The following LPIN2 variants were observed in gnomAD, a reference collection of about 807,000 sequenced individuals.
LPIN2 encodes phosphatidate phosphatase LPIN2.
LPIN2 carries 55 observed loss-of-function variants against 111.4 expected under a neutral mutation model. The ratio of observed to expected loss-of-function variants is 0.49; its 90% confidence interval spans 0.40 to 0.62. The LOEUF (loss-of-function observed/expected upper bound fraction) is 0.62, where lower values mean the gene tolerates loss of function less well. Among genes scored for constraint, LPIN2 ranks in the 20% least tolerant of loss-of-function variants. The pLI is 0.00. For synonymous variants in LPIN2, 425 were observed against 414.0 expected (o/e 1.03, Z -0.32); for missense variants, 992 against 1,112.1 (o/e 0.89, Z 1.54).
intron 4 of LPIN2, among the ~76,000 whole-genome samples, chr18:2,941,395 G>A (rs1030128218): frequency 2.0e-5 from 3 of 152,196 alleles, no homozygotes; most frequent in Non-Finnish European, 4.4e-5. Context: ...AGGACCTTGG[G>A]TAGGGGGTTA....
intron 1 of LPIN2, among the ~76,000 whole-genome samples, chr18:2,971,001 A>C (rs574607668): frequency 6.6e-6 from 1 of 152,274 alleles, no homozygotes; most frequent in South Asian, 2.1e-4. Flanking sequence ...CCAGTATAGC[A>C]ATGCACCCTC....
At position 2,921,560 on chromosome 18, in the gene LPIN2, G is replaced by C; in HGVS notation, c.2415C>G (p.Phe805Leu). 6.2e-7 allele frequency: 1 copy of C among 1,613,904 alleles called. No homozygotes were observed. The highest frequency in any genetic ancestry group is 2.2e-5 in the East Asian group (1 of 44,878). ...KNLFAPSKQP[F>L]YAAFGNRPND... ...TTGGACGGTTTCCAAAGGCAGCATA[G>C]AAGGGCTGCTTAGACGGGGCAAACA... Residue 805 changes from phenylalanine (F) to leucine (L), a missense_variant, in exon 18 of 20, where the codon TTC becomes TTG. Physicochemically the swap from Phe to Leu is conservative, Grantham distance 22. Coordinates refer to ENST00000677752, the MANE Select transcript of LPIN2 (RefSeq NM_001375808.2).
At chr18:2,979,610 G>T (rs1428756906) in intron 1 of LPIN2, among the ~76,000 whole-genome samples, 2 of 152,196 alleles carry the variant, frequency 1.3e-5, no homozygotes, top group South Asian at 4.1e-4. Context: ...CTGTGTGCAT[G>T]TATGTTTTAA....
chr18:2,978,058 G>A (rs1332001306), intron 1 of LPIN2, among the ~76,000 whole-genome samples: 1 of 152,080 alleles, frequency 6.6e-6, no homozygotes, highest in East Asian at 1.9e-4. Context: ...GGGAGTGGTG[G>A]CACCTGTAGT....
At chr18:2,974,773 G>A (rs1193064737) in intron 1 of LPIN2, among the ~76,000 whole-genome samples, 1 of 152,188 alleles carries the variant, frequency 6.6e-6, no homozygotes, top group East Asian at 1.9e-4. Context: ...AGAAGAATTA[G>A]TTGAGCCCAG....
chr18:2,921,511 C>A (rs80130655), intron 18 of LPIN2, 22 bp downstream of exon 18: 21 of 1,563,592 alleles, frequency 1.3e-5, no homozygotes, highest in Non-Finnish European at 1.9e-5. Flanking sequence ...ACATCAGAAC[C>A]CAGAGCCCAG....
intron 1 of LPIN2, among the ~76,000 whole-genome samples, chr18:2,969,853 C>T (rs546385744): frequency 3.9e-5 from 6 of 152,262 alleles, no homozygotes; most frequent in African/African-American, 1.4e-4. Flanking sequence ...TCCTCTTAAG[C>T]CTGATTAAGT....
intron 18 of LPIN2, 49 bp from the exon 19 acceptor site, chr18:2,920,930 A>G: frequency 7.9e-7 from 1 of 1,260,606 alleles, no homozygotes; most frequent in Non-Finnish European, 1.2e-6. Flanking sequence ...AGAATTCAGG[A>G]GATACTTCTC....
At chr18:2,984,492 G>A (rs1276089270) in intron 1 of LPIN2, among the ~76,000 whole-genome samples, 1 of 152,130 alleles carries the variant, frequency 6.6e-6, no homozygotes, top group African/African-American at 2.4e-5. Flanking sequence ...ATATTGGGGT[G>A]CTGCCGGTGG....
rs144349369 is a variant in LPIN2 at position 2,964,733 on chromosome 18, C to T, written c.-9-3884G>A. On this transcript the variant is annotated intron_variant, in intron 1 of 19. Coordinates refer to ENST00000677752, the MANE Select transcript of LPIN2 (RefSeq NM_001375808.2). ...CTATGCTGCATTTCAGTTTTGGGAT[C>T]GTTACAGTTGACAGAGACTCACTAC... Among the ~76,000 whole-genome samples, 1,006 of 152,306 alleles carry T rather than the reference C, an allele frequency of 6.6e-3. 15 individuals are homozygous for T. The highest frequency in any genetic ancestry group is 0.023 in the African/African-American group (937 of 41,570).
At chr18:3,004,387 CCT>C (rs1365322179) in intron 1 of LPIN2, among the ~76,000 whole-genome samples, 1 of 152,138 alleles carries the variant, frequency 6.6e-6, no homozygotes, top group Non-Finnish European at 1.5e-5. Flanking sequence ...CTGTGAAATT[CCT>C]CTCTTTGTAC....
intron 1 of LPIN2, among the ~76,000 whole-genome samples, chr18:2,982,245 T>G (rs1352613170): frequency 6.6e-6 from 1 of 152,182 alleles, no homozygotes; most frequent in Admixed American, 6.5e-5. Context: ...AAAATATTAG[T>G]TTACCATTCC....
intron 9 of LPIN2, 43 bp downstream of exon 9, chr18:2,931,213 A>G: frequency 6.3e-7 from 1 of 1,598,298 alleles, no homozygotes. Context: ...TGATGACCAG[A>G]TTGCTCTCTG....
intron 1 of LPIN2, among the ~76,000 whole-genome samples, chr18:2,970,933 T>C (rs1390854193): frequency 2.0e-5 from 3 of 152,150 alleles, no homozygotes; most frequent in Non-Finnish European, 4.4e-5. Flanking sequence ...TCACTTTCTA[T>C]AAACAGATGA....
intron 19 of LPIN2, 124 bp downstream of exon 19, chr18:2,920,654 G>T (rs980232247): frequency 4.9e-6 from 4 of 811,908 alleles, no homozygotes; most frequent in African/African-American, 1.7e-5. Context: ...CCACAGAGGA[G>T]ATGTAGCTGA....
chr18:2,971,948 G>A (rs570297233), intron 1 of LPIN2, among the ~76,000 whole-genome samples: 7 of 152,174 alleles, frequency 4.6e-5, no homozygotes, highest in African/African-American at 1.7e-4. Flanking sequence ...TCAGGAGGCC[G>A]AGACACGAGA....
At chr18:2,971,462 T>C (rs1454921460) in intron 1 of LPIN2, among the ~76,000 whole-genome samples, 2 of 152,096 alleles carry the variant, frequency 1.3e-5, no homozygotes, top group Non-Finnish European at 2.9e-5. Flanking sequence ...CCACGCGGCA[T>C]GAACATTTAG....
intron 1 of LPIN2, among the ~76,000 whole-genome samples, chr18:3,000,929 A>AG (rs1427453301): frequency 2.1e-5 from 3 of 140,226 alleles, no homozygotes; most frequent in Non-Finnish European, 3.1e-5. Context: ...AAGGTGCTAA[A>AG]AAAAATGGGT....
intron 2 of LPIN2, among the ~76,000 whole-genome samples, chr18:2,958,156 AACAAC>A (rs1296399103): frequency 0.03 from 1,495 of 50,434 alleles, 387 homozygotes; most frequent in African/African-American, 0.084. Flanking sequence ...AAAAAAAAAA[AACAAC>A]AAAAAAAAAA....
Sources: gnomAD v4.1 joint callset for allele counts (sites outside exome capture counted in the v4.1 genomes callset) on GRCh38, gnomAD v4.1.1 for gene constraint, MANE v1.5 for transcripts, NCBI Gene and HGNC (gene_info 2026-07-23, HGNC 2026-07-21) for gene names.